MAGI2: variants seen among roughly 807,000 people sequenced by gnomAD.
MAGI2 encodes the protein membrane associated guanylate kinase, WW and PDZ domain containing 2, also known as membrane-associated guanylate kinase, WW and PDZ domain-containing protein 2.
Under a neutral mutation model 133.3 loss-of-function variants are expected in MAGI2, and 35 were observed. The ratio of observed to expected loss-of-function variants is 0.26; its 90% CI spans 0.20 to 0.35. MAGI2 has a LOEUF of 0.35. Ranked by LOEUF, MAGI2 falls within the 10% of genes least tolerant of loss-of-function variation. MAGI2 has a pLI of 1.00. For synonymous variants in MAGI2, 729 were observed against 710.6 expected (o/e 1.03, Z -0.41); for missense variants, 1,636 against 1,863.4 (o/e 0.88, Z 2.25).
intron 1 of MAGI2, among the ~76,000 whole-genome samples, chr7:79,330,043 A>C (rs1839950241): frequency 1.3e-5 from 2 of 152,156 alleles, no homozygotes; most frequent in Admixed American, 1.3e-4. Context: ...GCTTTAGCAG[A>C]TACTCCAAGT....
chr7:78,740,662 T>G (rs1464232826), intron 2 of MAGI2, among the ~76,000 whole-genome samples: 1 of 152,194 alleles, frequency 6.6e-6, no homozygotes, highest in African/African-American at 2.4e-5. Flanking sequence ...TCACTGATAC[T>G]AGAGACCAGT....
intron 9 of MAGI2, among the ~76,000 whole-genome samples, chr7:78,332,973 GA>G (rs1361672215): frequency 1.3e-5 from 2 of 152,168 alleles, no homozygotes; most frequent in Non-Finnish European, 2.9e-5. Flanking sequence ...CTTTTAGAGA[GA>G]CCAAAATGTT....
chr7:78,925,607 G>A (rs1799634872), intron 2 of MAGI2, among the ~76,000 whole-genome samples: 1 of 151,996 alleles, frequency 6.6e-6, no homozygotes, highest in Admixed American at 6.6e-5. Context: ...TTTTCCAGAA[G>A]TGTGTGATGA....
intron 2 of MAGI2, among the ~76,000 whole-genome samples, chr7:78,969,216 G>A (rs1003139462): frequency 1.3e-5 from 2 of 151,132 alleles, no homozygotes; most frequent in Non-Finnish European, 3.0e-5. Context: ...ATTAGGGTAG[G>A]AGGGCCAGTC....
intron 1 of MAGI2, among the ~76,000 whole-genome samples, chr7:79,345,490 G>A (rs1057300075): frequency 4.6e-5 from 7 of 152,018 alleles, no homozygotes; most frequent in East Asian, 1.9e-4. Flanking sequence ...ACAACAGTCC[G>A]AGCATACTAA....
rs572583629 is a variant in MAGI2, at chr7:79,029,227, T to C, written c.302-22021A>G. 6.6e-5 allele frequency among the ~76,000 whole-genome samples: 10 copies of C among 152,274 alleles called. No individual in the cohort carries two copies. The South Asian group carries it at 2.1e-3, about 32-fold the overall frequency. On this transcript the variant is annotated intron_variant, in intron 1 of 21. Coordinates refer to ENST00000354212, the MANE Select transcript of MAGI2 (RefSeq NM_012301.4). ...TCAAGGATAATATCTAATTGCTGACTCCGAAAAATCTGGAGAAATGTTGTA... is the reference window on the plus strand; with the variant it reads ...TCAAGGATAATATCTAATTGCTGACCCCGAAAAATCTGGAGAAATGTTGTA...
At chr7:78,370,514 T>C (rs1793813985) in intron 6 of MAGI2, among the ~76,000 whole-genome samples, 2 of 151,946 alleles carry the variant, frequency 1.3e-5, no homozygotes, top group Non-Finnish European at 2.9e-5. Flanking sequence ...TTCTATAATA[T>C]AGTATGGAAA....
intron 6 of MAGI2, among the ~76,000 whole-genome samples, chr7:78,480,892 G>A (rs539355034): frequency 7.2e-5 from 11 of 151,762 alleles, no homozygotes; most frequent in African/African-American, 2.4e-4. Context: ...CTGAAATTAC[G>A]AAATGCTGAT....
intron 1 of MAGI2, among the ~76,000 whole-genome samples, chr7:79,331,096 G>C (rs918290641): frequency 2.6e-5 from 4 of 152,130 alleles, no homozygotes; most frequent in Non-Finnish European, 5.9e-5. Flanking sequence ...TAGGTCTAGA[G>C]GATGTGAGTG....
At chr7:79,067,988 G>A (rs1439333870) in intron 1 of MAGI2, among the ~76,000 whole-genome samples, 1 of 152,142 alleles carries the variant, frequency 6.6e-6, no homozygotes, top group Non-Finnish European at 1.5e-5. Flanking sequence ...TTTTTGATGT[G>A]TTGCTGGATT....
chr7:78,607,057 A>G (rs1012116332), intron 3 of MAGI2, among the ~76,000 whole-genome samples: 1 of 152,196 alleles, frequency 6.6e-6, no homozygotes, highest in Admixed American at 6.5e-5. Context: ...TTTTAAACGT[A>G]ACTGTTACAA....
intron 9 of MAGI2, among the ~76,000 whole-genome samples, chr7:78,323,323 T>C (rs1788210295): frequency 1.3e-5 from 2 of 152,216 alleles, no homozygotes; most frequent in African/African-American, 4.8e-5. Flanking sequence ...ATCTCAGCAA[T>C]GTGAGCAAAG....
chr7:78,138,788 T>A (rs1036408948), intron 16 of MAGI2, among the ~76,000 whole-genome samples: 1 of 152,194 alleles, frequency 6.6e-6, no homozygotes, highest in Non-Finnish European at 1.5e-5. Flanking sequence ...TGTAAAAGTA[T>A]AATAATCATG....
intron 3 of MAGI2, among the ~76,000 whole-genome samples, chr7:78,605,185 G>A (rs1805671018): frequency 6.6e-6 from 1 of 152,192 alleles, no homozygotes; most frequent in South Asian, 2.1e-4. Context: ...GACAAGAAAT[G>A]TGCATTTTAG....
intron 1 of MAGI2, among the ~76,000 whole-genome samples, chr7:79,040,726 T>C (rs1811583556): frequency 6.6e-6 from 1 of 152,094 alleles, no homozygotes; most frequent in Admixed American, 6.6e-5. Context: ...TGTCCAGCAT[T>C]TCCCCCGCTT....
At chr7:78,634,077 T>A (rs1395453176) in intron 2 of MAGI2, among the ~76,000 whole-genome samples, 2 of 152,164 alleles carry the variant, frequency 1.3e-5, no homozygotes, top group African/African-American at 2.4e-5. Context: ...CTAACACTTA[T>A]AATAAAGAAA....
At chr7:78,419,448 C>A (rs775873050) in intron 6 of MAGI2, among the ~76,000 whole-genome samples, 6 of 151,822 alleles carry the variant, frequency 4.0e-5, no homozygotes, top group Non-Finnish European at 7.4e-5. Flanking sequence ...ACAATGAAGA[C>A]TGGGATGGGG....
intron 1 of MAGI2, among the ~76,000 whole-genome samples, chr7:79,192,690 G>T (rs1158492853): frequency 2.0e-5 from 3 of 151,764 alleles, no homozygotes; most frequent in Non-Finnish European, 4.4e-5. Context: ...GAGGAAGGAT[G>T]GGGAAGAGTG....
chr7:79,167,165 T>TG (rs5885116), intron 1 of MAGI2, among the ~76,000 whole-genome samples: 151,350 of 151,996 alleles, frequency 1, 75,357 homozygotes, highest in East Asian at 1. Flanking sequence ...TATATAATTT[T>TG]GTGGGGGTTG....
Sources: allele counts gnomAD v4.1 joint callset (sites outside exome capture counted in the v4.1 genomes callset), GRCh38; gene constraint gnomAD v4.1.1; transcripts MANE v1.5; gene names NCBI Gene and HGNC (gene_info 2026-07-23, HGNC 2026-07-21).